LRP12: variants seen among roughly 807,000 people sequenced by gnomAD.
LRP12 encodes the protein LDL receptor related protein 12.
In LRP12, 14 loss-of-function variants were observed where a neutral mutation model predicts 66.0. That is an observed-to-expected ratio of 0.21 (90% CI 0.14 to 0.33). The LOEUF is 0.33. Among genes scored for constraint, LRP12 ranks in the 10% least tolerant of loss-of-function variants. The pLI is 1.00. For synonymous variants in LRP12, 357 were observed against 359.1 expected (o/e 0.99, Z 0.07); for missense variants, 889 against 1,053.4 (o/e 0.84, Z 2.16).
chr8:104,496,761 G>A (rs1483784765), intron 5 of LRP12, among the ~76,000 whole-genome samples: 2 of 152,186 alleles, frequency 1.3e-5, no homozygotes, highest in East Asian at 3.9e-4. Flanking sequence ...AAATAGATGG[G>A]CTTTTTCTCA....
chr8:104,520,199 T>A (rs140600608), intron 2 of LRP12, among the ~76,000 whole-genome samples: 10 of 152,164 alleles, frequency 6.6e-5, no homozygotes, highest in African/African-American at 2.2e-4. Context: ...TTGCTAACAA[T>A]GCATAACGTA....
chr8:104,570,685 C>T (rs544076013), intron 1 of LRP12, among the ~76,000 whole-genome samples: 73 of 152,124 alleles, frequency 4.8e-4, no homozygotes, highest in Non-Finnish European at 7.5e-4. Context: ...AGAAAAAAAG[C>T]AGAAGGAAAC....
intron 2 of LRP12, among the ~76,000 whole-genome samples, chr8:104,528,841 A>G (rs1811285172): frequency 6.6e-6 from 1 of 152,092 alleles, no homozygotes; most frequent in Admixed American, 6.6e-5. Context: ...CTCTGGAAAC[A>G]GCATCCATTT....
chr8:104,511,174 A>C (rs1173534172), intron 2 of LRP12, among the ~76,000 whole-genome samples: 1 of 150,442 alleles, frequency 6.6e-6, no homozygotes, highest in African/African-American at 2.4e-5. Context: ...CTCCCGAGTA[A>C]GTAGGACTAC....
chr8:104,584,447 T>C (rs905135123), intron 1 of LRP12, among the ~76,000 whole-genome samples: 1 of 152,090 alleles, frequency 6.6e-6, no homozygotes, highest in African/African-American at 2.4e-5. Flanking sequence ...GTTCCCTTAA[T>C]ATTTTAATAA....
chr8:104,498,210 G>A lies in LRP12; in HGVS notation c.476-134C>T, dbSNP rs1810768898. 4 of 924,510 alleles carry A rather than the reference G, an allele frequency of 4.3e-6. No homozygotes were observed. The South Asian group carries it at 7.7e-5, about 18-fold the overall frequency. 57.3% of individuals were successfully genotyped at this position (924,510 alleles called of 1,614,324 possible). ...AAGTGCTAGAAGTTTTAAAAAACAGGTTGGTTTTTTAATATTTTAATTTTA... is the reference window on the plus strand; with the variant it reads ...AAGTGCTAGAAGTTTTAAAAAACAGATTGGTTTTTTAATATTTTAATTTTA... On this transcript the variant is annotated intron_variant, in intron 4 of 6. Transcript: ENST00000276654.
chr8:104,516,262 C>T (rs903771572), intron 2 of LRP12, among the ~76,000 whole-genome samples: 2 of 151,894 alleles, frequency 1.3e-5, no homozygotes, highest in African/African-American at 4.8e-5. Context: ...TAGATAGCAT[C>T]TTCTTAGTAG....
intron 1 of LRP12, among the ~76,000 whole-genome samples, chr8:104,547,600 AATT>A (rs1313138709): frequency 0.012 from 1,450 of 118,764 alleles, 31 homozygotes; most frequent in African/African-American, 0.045. Flanking sequence ...AATATATAAT[AATT>A]ATTAATATAT....
intron 1 of LRP12, among the ~76,000 whole-genome samples, chr8:104,543,294 CT>C (rs1042164857): frequency 3.3e-5 from 5 of 152,038 alleles, no homozygotes; most frequent in African/African-American, 1.2e-4. Context: ...CTTTAGGTCT[CT>C]GTTGTCACAT....
At chr8:104,528,590 C>T (rs1361780442) in intron 2 of LRP12, among the ~76,000 whole-genome samples, 1 of 152,142 alleles carries the variant, frequency 6.6e-6, no homozygotes, top group African/African-American at 2.4e-5. Context: ...GCCTGGCCAA[C>T]ATAGTGAAAC....
chr8:104,577,214 G>A (rs1168675065), intron 1 of LRP12, among the ~76,000 whole-genome samples: 1 of 152,078 alleles, frequency 6.6e-6, no homozygotes, highest in Non-Finnish European at 1.5e-5. Flanking sequence ...CCTGAATTCA[G>A]CACTAGATCA....
intron 1 of LRP12, among the ~76,000 whole-genome samples, chr8:104,548,013 T>TTC (rs374328455): frequency 0.049 from 4,768 of 96,980 alleles, 125 homozygotes; most frequent in South Asian, 0.07. Flanking sequence ...TAATATATAA[T>TTC]TGTTATATTT....
At chr8:104,562,880 A>G (rs1457372634) in intron 1 of LRP12, among the ~76,000 whole-genome samples, 1 of 152,198 alleles carries the variant, frequency 6.6e-6, no homozygotes. Flanking sequence ...GCAAACCAAA[A>G]GTAATTCAGA....
intron 6 of LRP12, 76 bp from the exon 7 acceptor site, chr8:104,491,615 ATT>A: frequency 3.5e-6 from 4 of 1,129,502 alleles, no homozygotes; most frequent in Non-Finnish European, 4.9e-6. Flanking sequence ...ACACCCTTCT[ATT>A]AAGAATGTGT....
chr8:104,513,703 T>C (rs1233438332), intron 2 of LRP12, among the ~76,000 whole-genome samples: 1 of 152,096 alleles, frequency 6.6e-6, no homozygotes, highest in Admixed American at 6.6e-5. Flanking sequence ...CTAACTCTAT[T>C]CTGTGTTAAT....
intron 2 of LRP12, among the ~76,000 whole-genome samples, chr8:104,518,553 C>T (rs1811104634): frequency 1.3e-5 from 2 of 151,970 alleles, no homozygotes; most frequent in African/African-American, 2.4e-5. Flanking sequence ...GAAAAATGAA[C>T]TATTGGTCCT....
intron 2 of LRP12, among the ~76,000 whole-genome samples, chr8:104,521,128 AT>A (rs1018152048): frequency 4.0e-5 from 6 of 151,132 alleles, no homozygotes; most frequent in East Asian, 3.9e-4. Flanking sequence ...AAGTATTTTG[AT>A]TTTTTTTTCT....
intron 2 of LRP12, among the ~76,000 whole-genome samples, chr8:104,529,732 G>T (rs1466952246): frequency 6.6e-6 from 1 of 152,132 alleles, no homozygotes; most frequent in African/African-American, 2.4e-5. Flanking sequence ...GATTCAAAGG[G>T]TAAGAAAGAC....
rs1270870090 is a variant in LRP12, at chr8:104,491,493, C to G, written c.1760G>C (p.Gly587Ala). The G allele has an allele frequency of 6.2e-7, 1 of 1,613,642 alleles. No homozygotes were observed. The highest frequency in any genetic ancestry group is 1.1e-5 in the South Asian group (1 of 91,044). Residue 587 changes from glycine to alanine, a missense_variant, in exon 7 of 7, where the codon GGA (glycine) becomes GCA (alanine). Gly to Ala is a moderately conservative substitution (Grantham distance 60). Around this residue, in one of 3 missense-constraint regions of LRP12, gnomAD observed 800 missense variants for 964.5 expected, o/e 0.83. Coordinates refer to ENST00000276654, the MANE Select transcript of LRP12 (RefSeq NM_013437.5). ...NLRLAVRSQL[G>A]FTSVRLPMAG... is the part of the protein sequence containing the mutation. ...CATAGGAAGCCTGACTGAAGTAAAT[C>G]CAAGCTGAGATCGTACCGCTAGCCT...
Sources: gnomAD v4.1 joint callset for allele counts (sites outside exome capture counted in the v4.1 genomes callset) on GRCh38, gnomAD v4.1.1 for gene constraint, gnomAD v4.1.1 regional missense constraint, MANE v1.5 for transcripts, NCBI Gene and HGNC (gene_info 2026-07-23, HGNC 2026-07-21) for gene names.